CEP164: variants seen among roughly 807,000 people sequenced by gnomAD.
CEP164 encodes the protein centrosomal protein 164, also known as centrosomal protein of 164 kDa.
A neutral mutation model predicts 182.7 loss-of-function variants in CEP164; 162 were observed. That is an observed-to-expected ratio of 0.89 (90% CI 0.78 to 1.01). The LOEUF (loss-of-function observed/expected upper bound fraction) is 1.01, where lower values mean the gene tolerates loss of function less well. CEP164 is among the 50% of genes least tolerant of loss of function. The pLI, the probability that CEP164 is intolerant of heterozygous loss-of-function variation, is 0.00. For synonymous variants in CEP164, 661 were observed against 690.0 expected (o/e 0.96, Z 0.66); for missense variants, 1,735 against 1,790.4 (o/e 0.97, Z 0.56).
chr11:117,392,682 A>G, intron 19 of CEP164, 55 bp downstream of exon 19: 1 of 1,588,236 alleles, frequency 6.3e-7, no homozygotes, highest in East Asian at 2.2e-5. Flanking sequence ...ACTCTCTTAC[A>G]GTCAGCTGAG....
At chr11:117,362,614 G>GAAAAA in intron 7 of CEP164, 76 bp downstream of exon 7, 1 of 1,505,994 alleles carries the variant, frequency 6.6e-7, no homozygotes, top group Admixed American at 2.1e-5. Context: ...TTTTTGCTGT[G>GAAAAA]ATAGAAAAAA....
rs2036757916 is a variant in CEP164, at chr11:117,334,676, T to A, written c.-97-929T>A. ...TGGGGGTGCCTGTAATCCCAGCTAC[T>A]CGGGCAGCTGAGGCAAGAGACTAGC... On this transcript the variant is annotated intron_variant, in intron 1 of 32. Transcript: ENST00000278935. Among the ~76,000 whole-genome samples, 4 of 149,408 alleles carry A rather than the reference T, an allele frequency of 2.7e-5. No individual in the cohort carries two copies. The East Asian group carries it at 8.1e-4, about 30-fold the overall frequency.
intron 11 of CEP164, 76 bp downstream of exon 11, chr11:117,375,867 G>C: frequency 7.8e-7 from 1 of 1,288,068 alleles, no homozygotes; most frequent in Non-Finnish European, 1.1e-6. Context: ...CCAGAACTGA[G>C]CCCTGCCCAT....
chr11:117,344,250 C>A lies in CEP164; in HGVS notation c.167C>A (p.Ala56Asp). Residue 56 changes from alanine (A) to aspartate (D), a missense_variant, in exon 4 of 33, where the codon GCC (alanine) becomes GAC (aspartate). Ala to Asp is a moderately radical substitution (Grantham distance 126, BLOSUM62 -2). Transcript: ENST00000278935. ...LMWLAREGIV[A>D]PLPGEWKPCQ... ...TGGCTGGCGCGAGAGGGCATCGTGG[C>A]CCCACTGCCTGGAGAGTGGAAACCA... 1 of 1,613,034 alleles carries A rather than the reference C, an allele frequency of 6.2e-7. No homozygotes were observed. Among genetic ancestry groups the A allele is most frequent in the East Asian group, 2.2e-5 (1 of 44,864 alleles).
chr11:117,352,676 T>G (rs987975013), intron 5 of CEP164, among the ~76,000 whole-genome samples: 1 of 152,192 alleles, frequency 6.6e-6, no homozygotes, highest in Non-Finnish European at 1.5e-5. Flanking sequence ...AACCACTGCC[T>G]TTCAGGCTCA....
chr11:117,344,278 G>C lies in CEP164; in HGVS notation c.194+1G>C, dbSNP rs1394521721. The C allele has an allele frequency of 1.2e-6, 2 of 1,608,280 alleles. No individual in the cohort carries two copies. Among genetic ancestry groups the C allele is most frequent in the South Asian group, 1.1e-5 (1 of 90,372 alleles). On this transcript the variant is annotated splice_donor_variant, in intron 4 of 32. Transcript: ENST00000278935. LOFTEE classifies it high-confidence loss of function. Reference sequence around the variant, plus strand: ...CACTGCCTGGAGAGTGGAAACCATGGTAAGTCAGCAGGGGGTGCGGCCACT... The same window carrying C: ...CACTGCCTGGAGAGTGGAAACCATGCTAAGTCAGCAGGGGGTGCGGCCACT...
intron 8 of CEP164, among the ~76,000 whole-genome samples, chr11:117,367,996 G>T (rs947606709): frequency 6.6e-6 from 1 of 152,084 alleles, no homozygotes; most frequent in African/African-American, 2.4e-5. Context: ...TGCAGGCTAG[G>T]AAGGGAAGCC....
At position 117,363,476 on chromosome 11, in the gene CEP164, T is replaced by G. The variant is rs768482761; in HGVS notation, c.735T>G (p.Ile245Met). ...CTCTTAGGAACCTACACCTGGACAT[T>G]GGGGCACTGGGGGGTGACTTTGAGT... ...SEPLRNLHLD[I>M]GALGGDFEYE... The change falls in exon 8 of 33, where the codon ATT becomes ATG. Residue 245 changes from isoleucine (I) to methionine (M), a missense_variant. Coordinates refer to ENST00000278935, the MANE Select transcript of CEP164 (RefSeq NM_014956.5). 2 of 1,614,004 alleles carry G rather than the reference T, an allele frequency of 1.2e-6. No individual in the cohort carries two copies. The highest frequency in any genetic ancestry group is 2.2e-5 in the South Asian group (2 of 91,080).
intron 11 of CEP164, among the ~76,000 whole-genome samples, chr11:117,379,588 C>T (rs753959840): frequency 2.6e-5 from 4 of 152,096 alleles, no homozygotes; most frequent in Admixed American, 6.6e-5. Context: ...ACATTGATGG[C>T]GTGCCTTCTT....
At chr11:117,363,397 G>C in intron 7 of CEP164, 32 bp from the exon 8 acceptor site, 1 of 1,546,738 alleles carries the variant, frequency 6.5e-7, no homozygotes, top group Non-Finnish European at 8.9e-7. Flanking sequence ...AGTTTCTTCA[G>C]AGTTACCACT....
At chr11:117,375,874 C>T (rs2042690147) in intron 11 of CEP164, 83 bp downstream of exon 11, 1 of 1,208,252 alleles carries the variant, frequency 8.3e-7, no homozygotes, top group Non-Finnish European at 1.2e-6. Flanking sequence ...TGAGCCCTGC[C>T]CATCACAGGG....
At chr11:117,337,910 C>T (rs1331150087) in intron 2 of CEP164, among the ~76,000 whole-genome samples, 2 of 152,176 alleles carry the variant, frequency 1.3e-5, no homozygotes, top group Non-Finnish European at 2.9e-5. Flanking sequence ...TTGGTATCCC[C>T]ACTCTGGAAC....
intron 24 of CEP164, 122 bp downstream of exon 24, chr11:117,395,844 G>A: frequency 7.8e-7 from 1 of 1,283,868 alleles, no homozygotes; most frequent in East Asian, 2.4e-5. Flanking sequence ...GAGCTAGGCA[G>A]AAGAGCCTGT....
chr11:117,396,145 C>T lies in CEP164; in HGVS notation c.3181C>T (p.Leu1061Phe), dbSNP rs2136467124. Residue 1061 changes from leucine (L) to phenylalanine (F), a missense_variant, in exon 25 of 33, where the codon CTC (leucine) becomes TTC (phenylalanine). Transcript: ENST00000278935. ...TGCTTCCCCACATTTTGAGCCAGAT[C>T]TCCATATTGAGGACCTGAGGAAATC... Reference protein sequence around the residue: ...NNASPHFEPDLHIEDLRKSLG... With the variant: ...NNASPHFEPDFHIEDLRKSLG... 6.2e-7 allele frequency: 1 copy of T among 1,612,114 alleles called. No individual in the cohort carries two copies. The highest frequency in any genetic ancestry group is 8.5e-7 in the Non-Finnish European group (1 of 1,178,794).
At chr11:117,377,263 C>G (rs540659018) in intron 11 of CEP164, among the ~76,000 whole-genome samples, 1 of 152,168 alleles carries the variant, frequency 6.6e-6, no homozygotes, top group African/African-American at 2.4e-5. Context: ...GCACAGATCA[C>G]GATAGGGTTC....
upstream of CEP164, among the ~76,000 whole-genome samples, chr11:117,323,176 C>T (rs1400553050): frequency 6.6e-6 from 1 of 152,160 alleles, no homozygotes; most frequent in Non-Finnish European, 1.5e-5. Flanking sequence ...GCTGGGATTA[C>T]AGGTATGAGC....
intron 4 of CEP164, among the ~76,000 whole-genome samples, chr11:117,344,841 T>A (rs1464298839): frequency 6.6e-6 from 1 of 151,512 alleles, no homozygotes; most frequent in East Asian, 1.9e-4. Context: ...GGCAGGAGAA[T>A]AACTTGAACC....
rs371658661 is a variant in CEP164, at chr11:117,361,860, T to C, written c.419T>C (p.Val140Ala). ...SLALGSSLAP[V>A]HVPLGGLAPL... ...GCCTTGGGTTCCTCATTAGCCCCAG[T>C]TCATGTTCCTCTTGGGGGCCTGGCT... The change falls in exon 6 of 33, where the codon GTT becomes GCT. Residue 140 changes from valine (V) to alanine (A), a missense_variant. Physicochemically the swap from Val to Ala is moderately conservative, Grantham distance 64. Transcript: ENST00000278935. 6.2e-7 allele frequency: 1 copy of C among 1,614,116 alleles called. No homozygotes were observed. The highest frequency in any genetic ancestry group is 1.3e-5 in the African/African-American group (1 of 74,946).
intron 19 of CEP164, 112 bp from the exon 20 acceptor site, chr11:117,392,890 TTG>T: frequency 6.7e-7 from 1 of 1,483,098 alleles, no homozygotes; most frequent in Non-Finnish European, 9.2e-7. Context: ...TGTGCATGTG[TTG>T]TGTGTGTTGG....
Sources: gnomAD v4.1 joint callset for allele counts (sites outside exome capture counted in the v4.1 genomes callset) on GRCh38, gnomAD v4.1.1 for gene constraint, MANE v1.5 for transcripts, NCBI Gene and HGNC (gene_info 2026-07-23, HGNC 2026-07-21) for gene names.